The following SLC12A7 variants were observed in gnomAD, a reference collection of about 807,000 sequenced individuals.
SLC12A7 encodes K-Cl cotransporter 4.
In SLC12A7, 100 loss-of-function variants were observed where a neutral mutation model predicts 120.6. The observed-to-expected ratio is 0.83, with a 90% CI of 0.71 to 0.98. SLC12A7 has a LOEUF of 0.98. Among genes scored for constraint, SLC12A7 ranks in the 50% least tolerant of loss-of-function variants. The pLI is 0.00. For synonymous variants in SLC12A7, 760 were observed against 678.0 expected, an observed-to-expected ratio of 1.12 and a Z score of -1.88; for missense variants, 1,373 against 1,548.1, an observed-to-expected ratio of 0.89 and a Z score of 1.90.
chr5:1,085,220 C>T lies in SLC12A7; in HGVS notation c.917+12G>A. 1 of 1,611,708 alleles carries T rather than the reference C, an allele frequency of 6.2e-7. No individual in the cohort carries two copies. Among genetic ancestry groups the T allele is most frequent in the Non-Finnish European group, 8.5e-7 (1 of 1,179,434 alleles). ...CCACACCCACCCACGGCTCAGAGGC[C>T]CCGAGACTCACGGGATGTCCGGGGG... On this transcript the variant is annotated intron_variant, in intron 7 of 23. Coordinates refer to ENST00000264930, the MANE Select transcript of SLC12A7 (RefSeq NM_006598.3).
rs562284922 is a variant in SLC12A7, at chr5:1,053,331, C to A, written c.3160+18G>T. 3.1e-6 allele frequency: 5 copies of A among 1,611,960 alleles called. No individual in the cohort carries two copies. In the South Asian group the frequency reaches 4.4e-5, roughly 14 times the overall value. On this transcript the variant is annotated intron_variant, in intron 23 of 23. Transcript: ENST00000264930. ...GGGGTGCCCGCACGCTCAGCAGGCACACTGCAAGAAAGGATACAGTTCTCG... is the reference window on the plus strand; with the variant it reads ...GGGGTGCCCGCACGCTCAGCAGGCAAACTGCAAGAAAGGATACAGTTCTCG...
At chr5:1,107,591 C>T (rs965430386) in intron 1 of SLC12A7, among the ~76,000 whole-genome samples, 3 of 152,210 alleles carry the variant, frequency 2.0e-5, no homozygotes, top group African/African-American at 4.8e-5. Context: ...GACTTCGGCC[C>T]CGACCAGCCG....
the SLC12A7 span, among the ~76,000 whole-genome samples, chr5:1,138,591 G>A: frequency 2.6e-5 from 4 of 152,182 alleles, 1 homozygote; most frequent in Middle Eastern, 6.3e-3. Flanking sequence ...CTTAGAGCCC[G>A]CTCACATAAA....
intron 1 of SLC12A7, among the ~76,000 whole-genome samples, chr5:1,107,177 A>G (rs1271013446): frequency 2.0e-5 from 3 of 152,200 alleles, no homozygotes; most frequent in African/African-American, 7.2e-5. Context: ...TACTCTCTGA[A>G]TATTCAAGTT....
the SLC12A7 span, among the ~76,000 whole-genome samples, chr5:1,151,047 G>A: frequency 2.0e-5 from 3 of 152,380 alleles, no homozygotes; most frequent in Middle Eastern, 3.4e-3. The surrounding 1 kb of genome is among the most constrained non-coding windows in gnomAD (Gnocchi z 6.2). Flanking sequence ...GGCCTTGGGA[G>A]CTGGACGGAG....
chr5:1,154,999 G>T, the SLC12A7 span, among the ~76,000 whole-genome samples: 1 of 152,222 alleles, frequency 6.6e-6, no homozygotes, highest in Non-Finnish European at 1.5e-5. Context: ...GCCAAGGCTG[G>T]CGGGGGGCAC....
chr5:1,093,752 C>T (rs541015374), intron 2 of SLC12A7, 97 bp from the exon 3 acceptor site: 19 of 1,530,898 alleles, frequency 1.2e-5, no homozygotes, highest in South Asian at 7.3e-5. Flanking sequence ...AGGCCCTCCC[C>T]GGGTCCTCAG....
chr5:1,151,799 C>T, the SLC12A7 span, among the ~76,000 whole-genome samples: 1 of 152,282 alleles, frequency 6.6e-6, no homozygotes, highest in South Asian at 2.1e-4. The surrounding 1 kb of genome is among the most constrained non-coding windows in gnomAD (Gnocchi z 6.2). Context: ...ACGTCCTGTC[C>T]TCTGGGCAGC....
chr5:1,138,263 G>A, the SLC12A7 span, among the ~76,000 whole-genome samples: 2 of 152,182 alleles, frequency 1.3e-5, no homozygotes, highest in East Asian at 1.9e-4. Flanking sequence ...CCGGCGGGGT[G>A]GGGCAGGGCA....
intron 14 of SLC12A7, chr5:1,075,773 C>G (rs1227764759): frequency 9.9e-6 from 5 of 502,818 alleles, no homozygotes; most frequent in Non-Finnish European, 1.4e-5. Flanking sequence ...GCTGAAGCGT[C>G]CACCCAGCGC....
At chr5:1,118,887 G>T in the SLC12A7 span, among the ~76,000 whole-genome samples, 5 of 152,214 alleles carry the variant, frequency 3.3e-5, no homozygotes, top group South Asian at 6.2e-4. Context: ...TTCTGGGCCG[G>T]CTGGCGGGAG....
upstream of SLC12A7, among the ~76,000 whole-genome samples, chr5:1,112,881 C>T (rs188371899): frequency 0.12 from 15,950 of 129,004 alleles, 1,189 homozygotes; most frequent in South Asian, 0.17. Flanking sequence ...TCCCCCCCCC[C>T]ACCCATGACA....
the SLC12A7 span, among the ~76,000 whole-genome samples, chr5:1,144,006 C>T: frequency 5.9e-5 from 9 of 152,266 alleles, no homozygotes; most frequent in Middle Eastern, 3.4e-3. Context: ...CTGGCTGGCT[C>T]GGGCGGCTGT....
chr5:1,121,375 A>G, the SLC12A7 span, among the ~76,000 whole-genome samples: 1 of 152,300 alleles, frequency 6.6e-6, no homozygotes, highest in African/African-American at 2.4e-5. Flanking sequence ...GCCCACGGGA[A>G]AGCTCATGGA....
At chr5:1,132,095 G>A in the SLC12A7 span, among the ~76,000 whole-genome samples, 1 of 152,194 alleles carries the variant, frequency 6.6e-6, no homozygotes, top group Non-Finnish European at 1.5e-5. Flanking sequence ...TTGTGGTCAG[G>A]AAGCCATCCA....
chr5:1,144,015 G>A, the SLC12A7 span, among the ~76,000 whole-genome samples: 7 of 152,136 alleles, frequency 4.6e-5, no homozygotes, highest in Non-Finnish European at 7.3e-5. Flanking sequence ...TCGGGCGGCT[G>A]TCACCAGTGT....
At chr5:1,121,730 A>G in the SLC12A7 span, among the ~76,000 whole-genome samples, 1 of 152,144 alleles carries the variant, frequency 6.6e-6, no homozygotes, top group Non-Finnish European at 1.5e-5. Flanking sequence ...TGCCCGCCCC[A>G]GCCATGCCCA....
At position 1,093,634 on chromosome 5, in the gene SLC12A7, T is replaced by C. The variant is rs760817675; in HGVS notation, c.241A>G (p.Met81Val). The change falls in exon 3 of 24, where the codon ATG becomes GTG. Residue 81 changes from methionine (M) to valine (V), a missense_variant. Transcript: ENST00000264930. ...LFEEEMDSNP[M>V]VSSLLNKLAN... ...AGCTTGTTGAGCAGCGAGGACACCA[T>C]GGGGTTACTGTCCATCTCCTCCTGC... 1.9e-6 allele frequency: 3 copies of C among 1,613,068 alleles called. No homozygotes were observed. Among genetic ancestry groups the C allele is most frequent in the East Asian group, 2.2e-5 (1 of 44,864 alleles).
At position 1,052,184 on chromosome 5, in the gene SLC12A7, C is replaced by T. The variant is rs199864690; in HGVS notation, c.*176G>A. ...ATTTGCTGAGCCTGTTAAGGCTGAA[C>T]AGGAGAGCCCTAGGTGACGGGCCTA... On this transcript the variant is annotated 3_prime_UTR_variant, in exon 24 of 24. Coordinates refer to ENST00000264930, the MANE Select transcript of SLC12A7 (RefSeq NM_006598.3). 1 of 615,506 alleles carries T rather than the reference C, an allele frequency of 1.6e-6. No individual in the cohort carries two copies. The highest frequency in any genetic ancestry group is 2.9e-6 in the Non-Finnish European group (1 of 343,482). The allele number at this position is 615,506 out of a possible 1,614,324, so 38.1% of individuals were successfully genotyped here. A position where few individuals can be genotyped will look rare whatever the true frequency, so the allele number is the denominator to read the frequency against.
Sources: allele counts gnomAD v4.1 joint callset (sites outside exome capture counted in the v4.1 genomes callset), GRCh38; gene constraint gnomAD v4.1.1; non-coding constraint Gnocchi (gnomAD v3.1); transcripts MANE v1.5; gene names NCBI Gene and HGNC (gene_info 2026-07-23, HGNC 2026-07-21).